MILR1: variants seen among roughly 807,000 people sequenced by gnomAD.
The protein encoded by MILR1 is mast cell immunoglobulin like receptor 1, also known as allergin-1.
Under a neutral mutation model 18.5 loss-of-function variants are expected in MILR1, and 31 were observed. That is an observed-to-expected ratio of 1.68 (90% CI 1.26 to 2.26). MILR1 has a LOEUF of 2.26. Among genes scored for constraint, MILR1 ranks in the 30% most tolerant of loss-of-function variants. The pLI, the probability that MILR1 is intolerant of heterozygous loss-of-function variation, is 0.00. For synonymous variants in MILR1, 85 were observed against 56.2 expected, an observed-to-expected ratio of 1.51 and a Z score of -2.30; for missense variants, 257 against 157.4, an observed-to-expected ratio of 1.63 and a Z score of -3.38.
At chr17:64,462,432 C>T (rs895096278) in intron 5 of MILR1, among the ~76,000 whole-genome samples, 1 of 152,180 alleles carries the variant, frequency 6.6e-6, no homozygotes, top group African/African-American at 2.4e-5. Flanking sequence ...CTGCAAGTGC[C>T]TCAAGCGAGA....
the MILR1 span, chr17:64,493,109 C>T: frequency 5.8e-5 from 78 of 1,350,086 alleles, 1 homozygote; most frequent in South Asian, 5.3e-4. Context: ...GTAGTAATAA[C>T]GTTAACACAG....
the MILR1 span, among the ~76,000 whole-genome samples, chr17:64,495,110 G>GCA: frequency 6.7e-6 from 1 of 149,748 alleles, no homozygotes. Flanking sequence ...CCTGGGAGAT[G>GCA]GAGCTTGCAG....
chr17:64,495,559 AGAGT>A, the MILR1 span, among the ~76,000 whole-genome samples: 2 of 152,248 alleles, frequency 1.3e-5, no homozygotes, highest in African/African-American at 2.4e-5. Context: ...TCTGGGTGAC[AGAGT>A]GAGACCCATA....
chr17:64,460,609 G>T (rs2037409977), intron 4 of MILR1, among the ~76,000 whole-genome samples: 1 of 152,310 alleles, frequency 6.6e-6, no homozygotes, highest in East Asian at 1.9e-4. Flanking sequence ...ATCTCCGAAA[G>T]TGCTGGGATT....
chr17:64,497,286 G>A, the MILR1 span, among the ~76,000 whole-genome samples: 1 of 152,244 alleles, frequency 6.6e-6, no homozygotes, highest in Non-Finnish European at 1.5e-5. Context: ...CCGTGGTGTA[G>A]CCACTTGAGT....
chr17:64,467,750 A>C, intron 9 of MILR1, 105 bp downstream of exon 9: 1 of 632,808 alleles, frequency 1.6e-6, no homozygotes, highest in African/African-American at 1.9e-5. Context: ...CCTGGCCAAC[A>C]TGGCAAAAAC....
At chr17:64,491,493 G>A in the MILR1 span, 1 of 1,390,964 alleles carries the variant, frequency 7.2e-7, no homozygotes, top group Admixed American at 1.7e-5. Flanking sequence ...CCGGGCAAAA[G>A]AGTGAGACTA....
chr17:64,491,811 C>T, the MILR1 span: 14 of 492,762 alleles, frequency 2.8e-5, no homozygotes, highest in Non-Finnish European at 4.1e-5. Flanking sequence ...TCTGCACTCC[C>T]CCAGCAACCT....
chr17:64,485,372 C>A, the MILR1 span: 1 of 276,670 alleles, frequency 3.6e-6, no homozygotes. Flanking sequence ...AGGTCAATAG[C>A]ACAGGTCTCC....
chr17:64,478,746 A>G, the MILR1 span, among the ~76,000 whole-genome samples: 1 of 151,536 alleles, frequency 6.6e-6, no homozygotes, highest in Admixed American at 6.6e-5. Flanking sequence ...AACTACAAAA[A>G]ATTAGCTGGG....
chr17:64,458,082 TTCA>T (rs1379086295), intron 4 of MILR1, among the ~76,000 whole-genome samples: 1 of 152,178 alleles, frequency 6.6e-6, no homozygotes, highest in Non-Finnish European at 1.5e-5. Flanking sequence ...TCTTTGTTTT[TTCA>T]TCATTTGTAT....
At chr17:64,466,553 A>G in intron 7 of MILR1, 41 bp from the exon 8 acceptor site, 2 of 1,611,626 alleles carry the variant, frequency 1.2e-6, no homozygotes, top group South Asian at 2.2e-5. Context: ...AGAAATTCAC[A>G]TAATTGGCCC....
chr17:64,497,082 G>C, the MILR1 span: 4 of 1,119,586 alleles, frequency 3.6e-6, no homozygotes, highest in Non-Finnish European at 3.9e-6. Context: ...GGAGGTGAGC[G>C]TGCTTGCGGG....
Position 64,468,415 on chromosome 17 carries a change from A to T in MILR1, c.*134A>T, listed in dbSNP as rs1555663948. ...GCGATTCTCATGCCTCGACCTCCCG[A>T]GTAGCTGGGATTACAGGTGCCCGCT... On this transcript the variant is annotated 3_prime_UTR_variant, in exon 10 of 10. Coordinates refer to ENST00000619286, the MANE Select transcript of MILR1 (RefSeq NM_001085423.2). The T allele has an allele frequency of 2.5e-6, 1 of 407,924 alleles. No individual in the cohort carries two copies. Among genetic ancestry groups the T allele is most frequent in the Non-Finnish European group, 4.8e-6 (1 of 207,240 alleles). The allele number at this position is 407,924 out of a possible 1,614,324, so 25.3% of individuals were successfully genotyped here. A position where few individuals can be genotyped will look rare whatever the true frequency, so the allele number is the denominator to read the frequency against.
chr17:64,497,100 C>T, the MILR1 span: 16 of 923,558 alleles, frequency 1.7e-5, no homozygotes, highest in Non-Finnish European at 2.6e-5. Flanking sequence ...GGGCGGCAGG[C>T]CCCACCCCGG....
the MILR1 span, among the ~76,000 whole-genome samples, chr17:64,478,312 C>T: frequency 6.6e-6 from 1 of 152,094 alleles, no homozygotes; most frequent in Non-Finnish European, 1.5e-5. Context: ...TTCTTGGATG[C>T]AATCCAAGAA....
the MILR1 span, chr17:64,487,129 TGTTA>T: frequency 6.6e-6 from 1 of 152,160 alleles, no homozygotes; most frequent in Non-Finnish European, 1.5e-5. Context: ...CCTCAGCTTC[TGTTA>T]ATTATTCATG....
chr17:64,465,789 TTTTG>T (rs1352634819), intron 6 of MILR1, among the ~76,000 whole-genome samples: 3 of 152,134 alleles, frequency 2.0e-5, no homozygotes, highest in Admixed American at 6.6e-5. Flanking sequence ...TACACCATGA[TTTTG>T]TTTTTTTTTC....
intron 3 of MILR1, among the ~76,000 whole-genome samples, chr17:64,454,765 G>A (rs1177203840): frequency 3.9e-5 from 6 of 152,232 alleles, no homozygotes; most frequent in African/African-American, 1.2e-4. Context: ...AGGCTGAGGC[G>A]GGAGGATCAC....
Sources: allele counts gnomAD v4.1 joint callset (sites outside exome capture counted in the v4.1 genomes callset), GRCh38; gene constraint gnomAD v4.1.1; transcripts MANE v1.5; gene names NCBI Gene and HGNC (gene_info 2026-07-23, HGNC 2026-07-21).